The following CLIC5 variants were observed in gnomAD, a reference collection of about 807,000 sequenced individuals.
CLIC5 encodes the protein CLIC family member 5.
Under a neutral mutation model 24.7 loss-of-function variants are expected in CLIC5, and 20 were observed. That is an observed-to-expected ratio of 0.81 (90% CI 0.57 to 1.18). CLIC5 has a LOEUF of 1.18. Ranked by LOEUF, CLIC5 falls within the 50% of genes most tolerant of loss-of-function variation. The pLI is 0.00. For synonymous variants in CLIC5, 159 were observed against 135.6 expected (o/e 1.17, Z -1.20); for missense variants, 341 against 326.1 (o/e 1.05, Z -0.35).
chr6:45,992,333 G>A (rs1407022624), intron 1 of CLIC5, among the ~76,000 whole-genome samples: 1 of 152,216 alleles, frequency 6.6e-6, no homozygotes, highest in Non-Finnish European at 1.5e-5. Flanking sequence ...TCCAGAGAAT[G>A]ACAGCGAATG....
At chr6:46,018,261 AC>A, upstream of CLIC5, among the ~76,000 whole-genome samples, 1 of 152,320 alleles carries the variant, frequency 6.6e-6, no homozygotes, top group East Asian at 1.9e-4. Flanking sequence ...AAAATGTGTT[AC>A]ACGTATTTTC....
intron 1 of CLIC5, among the ~76,000 whole-genome samples, chr6:46,025,862 G>T (rs1767316721): frequency 6.6e-6 from 1 of 152,040 alleles, no homozygotes; most frequent in Non-Finnish European, 1.5e-5. Flanking sequence ...AAAGTCTGTG[G>T]CACTTCCCCC....
chr6:46,075,678 G>A (rs539917991), intron 1 of CLIC5, among the ~76,000 whole-genome samples: 1 of 152,268 alleles, frequency 6.6e-6, no homozygotes, highest in African/African-American at 2.4e-5. Context: ...GTGTTTATTT[G>A]TACCATTTTC....
At chr6:45,926,451 T>C (rs1581747426) in intron 4 of CLIC5, among the ~76,000 whole-genome samples, 1 of 147,888 alleles carries the variant, frequency 6.8e-6, no homozygotes, top group South Asian at 2.2e-4. Flanking sequence ...AGAGATGGGG[T>C]TTCACCATAT....
chr6:45,885,223 C>T (rs981563838), intron 6 of CLIC5, among the ~76,000 whole-genome samples: 12 of 152,064 alleles, frequency 7.9e-5, no homozygotes, highest in East Asian at 7.7e-4. Context: ...CTTTCAAAAG[C>T]GATCTCACAG....
intron 4 of CLIC5, among the ~76,000 whole-genome samples, chr6:45,927,119 G>C (rs961918725): frequency 2.6e-5 from 4 of 152,122 alleles, no homozygotes; most frequent in African/African-American, 9.7e-5. Flanking sequence ...CATCTCCCAA[G>C]CAAAGGCATA....
intron 1 of CLIC5, among the ~76,000 whole-genome samples, chr6:46,004,340 C>G (rs1233569079): frequency 6.6e-6 from 1 of 152,184 alleles, no homozygotes; most frequent in African/African-American, 2.4e-5. Flanking sequence ...TTCCCAGCTT[C>G]CCTTGCACAG....
intron 4 of CLIC5, among the ~76,000 whole-genome samples, chr6:45,915,825 A>C (rs1469351054): frequency 6.6e-6 from 1 of 152,212 alleles, no homozygotes; most frequent in African/African-American, 2.4e-5. Context: ...ACTACCATAG[A>C]AACTTTCTAC....
chr6:46,036,183 A>T (rs1173101694), intron 1 of CLIC5, among the ~76,000 whole-genome samples: 3 of 152,036 alleles, frequency 2.0e-5, no homozygotes, highest in Admixed American at 6.5e-5. Flanking sequence ...CTATTGTTTC[A>T]TTTGGCAACT....
At chr6:45,951,243 C>G (rs190780104) in intron 2 of CLIC5, among the ~76,000 whole-genome samples, 2 of 152,164 alleles carry the variant, frequency 1.3e-5, no homozygotes, top group African/African-American at 2.4e-5. Context: ...ATTTCTCCCC[C>G]CTGGGAAAGA....
intron 1 of CLIC5, among the ~76,000 whole-genome samples, chr6:45,973,264 T>C (rs1017260305): frequency 3.3e-5 from 5 of 152,142 alleles, no homozygotes; most frequent in Non-Finnish European, 5.9e-5. Flanking sequence ...CATGGCTGGG[T>C]TAGTAAACTG....
chr6:45,929,614 G>C (rs146872305), intron 4 of CLIC5, among the ~76,000 whole-genome samples: 1 of 152,334 alleles, frequency 6.6e-6, no homozygotes, highest in African/African-American at 2.4e-5. Context: ...GCTTTATGAG[G>C]AAGTGGTGAG....
chr6:45,924,909 G>A (rs9395134), intron 4 of CLIC5, among the ~76,000 whole-genome samples: 46,133 of 151,990 alleles, frequency 0.3, 7,180 homozygotes, highest in East Asian at 0.47. Flanking sequence ...GGGCTTCTGG[G>A]AAAGATAAGA....
chr6:46,085,587 C>G, the CLIC5 span, among the ~76,000 whole-genome samples: 162 of 152,324 alleles, frequency 1.1e-3, 1 homozygote, highest in African/African-American at 3.8e-3. Context: ...TGCAGAACAG[C>G]AGATTTTCGT....
chr6:46,042,355 C>T (rs142039578), intron 1 of CLIC5, among the ~76,000 whole-genome samples: 421 of 151,842 alleles, frequency 2.8e-3, no homozygotes, highest in African/African-American at 9.8e-3. Context: ...ATAATTTCCC[C>T]AAGTTCTGTA....
chr6:46,066,203 C>T (rs769530352), intron 1 of CLIC5, among the ~76,000 whole-genome samples: 2 of 152,188 alleles, frequency 1.3e-5, no homozygotes, highest in East Asian at 1.9e-4. Context: ...CTATTCAAAG[C>T]GGGGGCAGGG....
upstream of CLIC5, among the ~76,000 whole-genome samples, chr6:46,016,329 C>A (rs1767008477): frequency 6.6e-6 from 1 of 152,164 alleles, no homozygotes. Flanking sequence ...TTGGAAAGCC[C>A]TTCCTGTCTT....
At chr6:45,891,742 G>A (rs1324939806) in intron 6 of CLIC5, among the ~76,000 whole-genome samples, 3 of 152,116 alleles carry the variant, frequency 2.0e-5, no homozygotes, top group African/African-American at 7.2e-5. Context: ...GGTGAGCTCT[G>A]GGAAGGGGAT....
chr6:46,060,755 T>C (rs1254551668), intron 1 of CLIC5, among the ~76,000 whole-genome samples: 1 of 152,314 alleles, frequency 6.6e-6, no homozygotes, highest in East Asian at 1.9e-4. Context: ...GCCTGCTTCC[T>C]TCATGAAAGC....
Sources: allele counts gnomAD v4.1 joint callset (sites outside exome capture counted in the v4.1 genomes callset), GRCh38; gene constraint gnomAD v4.1.1; transcripts MANE v1.5; gene names NCBI Gene and HGNC (gene_info 2026-07-23, HGNC 2026-07-21).